The following MRPL9 variants were observed in gnomAD, a reference collection of about 807,000 sequenced individuals.
The protein encoded by MRPL9 is large ribosomal subunit protein bL9m.
MRPL9 carries 25 observed loss-of-function variants against 27.6 expected under a neutral mutation model. The ratio of observed to expected loss-of-function variants is 0.91; its 90% CI spans 0.66 to 1.27. The LOEUF (loss-of-function observed/expected upper bound fraction) is 1.27. Among genes scored for constraint, MRPL9 ranks in the 50% most tolerant of loss-of-function variants. MRPL9 has a pLI of 0.00. For missense variants in MRPL9, 362 were observed against 338.0 expected, an observed-to-expected ratio of 1.07 and a Z score of -0.56; for synonymous variants, 154 against 139.0, an observed-to-expected ratio of 1.11 and a Z score of -0.76.
At position 151,763,468 on chromosome 1, in the gene MRPL9, G is replaced by C; in HGVS notation, c.12C>G (p.Pro4=). Residue 4 remains proline (P), a synonymous_variant, in exon 1 of 7, where the codon CCC becomes CCG. Transcript: ENST00000368830. The stretch of plus-strand genomic sequence containing the variant: ...GAGCTCTGCCCGGGGCCGTGACAAC[G>C]GGCGCCGCCATGTTCACAGGCACAG... The part of the protein sequence containing the change: MAA[P]VVTAPGRALL... 1 of 1,575,052 alleles carries C rather than the reference G, an allele frequency of 6.3e-7. No homozygotes were observed. The highest frequency in any genetic ancestry group is 1.2e-5 in the South Asian group (1 of 86,536).
At chr1:151,762,919 G>C (rs769813857) in intron 2 of MRPL9, 71 bp downstream of exon 2, 5 of 1,537,924 alleles carry the variant, frequency 3.3e-6, no homozygotes, top group South Asian at 1.2e-5. Context: ...AATAGTTGAG[G>C]GGGACGGGCT....
At chr1:151,762,043 G>T (rs1648107843) in intron 4 of MRPL9, 62 bp downstream of exon 4, 1 of 1,515,188 alleles carries the variant, frequency 6.6e-7, no homozygotes, top group South Asian at 1.1e-5. Context: ...GAATCAGGGA[G>T]ACTCTCAGGG....
rs1431052633 is a variant in MRPL9 at position 151,762,164 on chromosome 1, G to GA, written c.436-10dup. 2 of 1,613,798 alleles carry GA rather than the reference G, an allele frequency of 1.2e-6. No individual in the cohort carries two copies. The highest frequency in any genetic ancestry group is 1.7e-6 in the Non-Finnish European group (2 of 1,179,904). On this transcript the variant is annotated splice_polypyrimidine_tract_variant and intron_variant, in intron 3 of 6. Transcript: ENST00000368830. ...TTTCCTTCTTGTCTCAGCTAGAAAA[G>GA]AAAGTTAAAGATGAAAAGCAGTAAA...
At chr1:151,761,208 C>G (rs1648060407) in intron 5 of MRPL9, among the ~76,000 whole-genome samples, 1 of 152,212 alleles carries the variant, frequency 6.6e-6, no homozygotes, top group African/African-American at 2.4e-5. Flanking sequence ...CCCAGCATTT[C>G]CCTAGGTAGA....
In MRPL9 at chr1:151,760,813, C is replaced by G; in HGVS notation, c.672+3G>C. 1 of 1,571,644 alleles carries G rather than the reference C, an allele frequency of 6.4e-7. No individual in the cohort carries two copies. Among genetic ancestry groups the G allele is most frequent in the Non-Finnish European group, 8.6e-7 (1 of 1,166,610 alleles). On this transcript the variant is annotated splice_donor_region_variant and intron_variant, in intron 6 of 6. Coordinates refer to ENST00000368830, the MANE Select transcript of MRPL9 (RefSeq NM_031420.4). ...GAAAAAAGAAAGTATGCAAAACACT[C>G]ACCGTCACCTCACACCAATACTCGC...
In MRPL9 at chr1:151,759,901, T is replaced by C. The variant is rs1647982310; in HGVS notation, c.*149A>G. The C allele has an allele frequency of 2.9e-6, 3 of 1,031,694 alleles. No individual in the cohort carries two copies. Among genetic ancestry groups the C allele is most frequent in the Admixed American group, 6.7e-5 (2 of 29,848 alleles). 63.9% of individuals were successfully genotyped at this position (1,031,694 alleles called of 1,614,324 possible). A position where few individuals can be genotyped will look rare whatever the true frequency, so the allele number is the denominator to read the frequency against. ...AGTTAAAGATGGCAAAAATGAAGAA[T>C]TCAACATGTATACGCAGTGCAGTCT... On this transcript the variant is annotated 3_prime_UTR_variant, in exon 7 of 7. Transcript: ENST00000368830.
At chr1:151,761,140 C>G (rs1648057724) in intron 5 of MRPL9, among the ~76,000 whole-genome samples, 1 of 152,148 alleles carries the variant, frequency 6.6e-6, no homozygotes, top group Admixed American at 6.5e-5. Context: ...AGAAACAGGG[C>G]TTGAGGCCAA....
At chr1:151,762,952 G>A in intron 2 of MRPL9, 38 bp downstream of exon 2, 1 of 1,602,390 alleles carries the variant, frequency 6.2e-7, no homozygotes. Context: ...TGCCAAACCG[G>A]ACCAGCCTGA....
In MRPL9 at chr1:151,763,413, G is replaced by A. The variant is rs1648216183; in HGVS notation, c.67C>T (p.Arg23Trp). 2 of 1,565,500 alleles carry A rather than the reference G, an allele frequency of 1.3e-6. No homozygotes were observed. Among genetic ancestry groups the A allele is most frequent in the Non-Finnish European group, 1.7e-6 (2 of 1,154,702 alleles). The change falls in exon 1 of 7, where the codon CGG (arginine) becomes TGG (tryptophan). Residue 23 changes from arginine (R) to tryptophan (W), a missense_variant. Physicochemically the swap from Arg to Trp is moderately radical, Grantham distance 101. Coordinates refer to ENST00000368830, the MANE Select transcript of MRPL9 (RefSeq NM_031420.4). ...CGCAGTAGCTCCTGGACGCCTCCCCGAAGCAGCCGTCCAGCGCCCGCCCGC... is the reference window on the plus strand; with the variant it reads ...CGCAGTAGCTCCTGGACGCCTCCCCAAAGCAGCCGTCCAGCGCCCGCCCGC... Reference protein sequence around the residue: ...LLRAGAGRLLRGGVQELLRPR... With the variant: ...LLRAGAGRLLWGGVQELLRPR...
chr1:151,759,943 C>T lies in MRPL9; in HGVS notation c.*107G>A, dbSNP rs550778181. The stretch of plus-strand genomic sequence containing the variant: ...GTGCAGTCTGATGTCTTCAGATGTT[C>T]TCTAAAATTCTGTATTTGGTCAGAG... On this transcript the variant is annotated 3_prime_UTR_variant, in exon 7 of 7. Coordinates refer to ENST00000368830, the MANE Select transcript of MRPL9 (RefSeq NM_031420.4). 80 of 1,442,438 alleles carry T rather than the reference C, an allele frequency of 5.5e-5. No individual in the cohort carries two copies. In the South Asian group the frequency reaches 9.3e-4, roughly 17 times the overall value. 89.4% of individuals were successfully genotyped at this position (1,442,438 alleles called of 1,614,324 possible).
chr1:151,761,420 G>T, intron 5 of MRPL9, 31 bp downstream of exon 5: 2 of 1,498,110 alleles, frequency 1.3e-6, no homozygotes, highest in South Asian at 1.1e-5. Flanking sequence ...CCACCTCAGG[G>T]GTAGAGTGGT....
At position 151,760,903 on chromosome 1, in the gene MRPL9, CAA is replaced by C. The variant is rs755031728; in HGVS notation, c.589-6_589-5del. ...GTGGGGCAACCACAACACCAAGCTGCAAAAAAAAAAAAAAAAAAAAAAATCTC... is the reference window on the plus strand; with the variant it reads ...GTGGGGCAACCACAACACCAAGCTGCAAAAAAAAAAAAAAAAAAAAATCTC... On this transcript the variant is annotated splice_polypyrimidine_tract_variant and splice_region_variant and intron_variant, in intron 5 of 6. Coordinates refer to ENST00000368830, the MANE Select transcript of MRPL9 (RefSeq NM_031420.4). The C allele has an allele frequency of 0.043, 39,121 of 919,182 alleles. No homozygotes were observed. The highest frequency in any genetic ancestry group is 0.056 in the South Asian group (2,415 of 43,154). 56.9% of individuals were successfully genotyped at this position (919,182 alleles called of 1,614,324 possible).
At chr1:151,762,068 C>G (rs1648109403) in intron 4 of MRPL9, 37 bp downstream of exon 4, 1 of 1,608,866 alleles carries the variant, frequency 6.2e-7, no homozygotes. Flanking sequence ...GTTGGTAAGT[C>G]TTGTGACAAA....
chr1:151,762,125 G>C lies in MRPL9; in HGVS notation c.466C>G (p.Gln156Glu). ...LRQEGKLEKI[Q>E]TKAGEATVKF... ...CTCACCGCCTCACCTGCCTTGGTCTGGATCTTCTCTAATTTTCCTTCTTGT... is the reference window on the plus strand; with the variant it reads ...CTCACCGCCTCACCTGCCTTGGTCTCGATCTTCTCTAATTTTCCTTCTTGT... The change falls in exon 4 of 7, where the codon CAG becomes GAG. Residue 156 changes from glutamine to glutamate, a missense_variant. Coordinates refer to ENST00000368830, the MANE Select transcript of MRPL9 (RefSeq NM_031420.4). The C allele has an allele frequency of 6.2e-7, 1 of 1,614,156 alleles. No individual in the cohort carries two copies. The highest frequency in any genetic ancestry group is 8.5e-7 in the Non-Finnish European group (1 of 1,180,002).
rs533228135 is a variant in MRPL9 at position 151,761,020 on chromosome 1, T to G, written c.589-121A>C. Reference sequence around the variant, plus strand: ...TTCCCTGCACAGGGATGAATAAAACTGGGGTGTCTACTCTGGCTGATTCCA... The same window carrying G: ...TTCCCTGCACAGGGATGAATAAAACGGGGGTGTCTACTCTGGCTGATTCCA... On this transcript the variant is annotated intron_variant, in intron 5 of 6. Transcript: ENST00000368830. The G allele has an allele frequency of 1.0e-5, 9 of 862,444 alleles. No individual in the cohort carries two copies. The African/African-American group carries it at 1.6e-4, about 15-fold the overall frequency. 53.4% of individuals were successfully genotyped at this position (862,444 alleles called of 1,614,324 possible). A position where few individuals can be genotyped will look rare whatever the true frequency, so the allele number is the denominator to read the frequency against.
chr1:151,763,035 G>A lies in MRPL9; in HGVS notation c.265C>T (p.Arg89Trp), dbSNP rs761777615. 1.7e-5 allele frequency: 27 copies of A among 1,614,064 alleles called. No individual in the cohort carries two copies. The highest frequency in any genetic ancestry group is 3.3e-4 in the Middle Eastern group (2 of 6,084). The change falls in exon 2 of 7, where the codon CGG becomes TGG. Residue 89 changes from arginine (R) to tryptophan (W), a missense_variant. Transcript: ENST00000368830. ...VYKLVEDTKHRPKENLELILT... is the reference protein window; with the variant it reads ...VYKLVEDTKHWPKENLELILT... Reference sequence around the variant, plus strand: ...ATGAGCTCCAGGTTTTCTTTGGGCCGATGCTTCGTGTCCTCCACCAGCTTA... The same window carrying A: ...ATGAGCTCCAGGTTTTCTTTGGGCCAATGCTTCGTGTCCTCCACCAGCTTA...
At chr1:151,760,233 T>G in intron 6 of MRPL9, 52 bp from the exon 7 acceptor site, 2 of 1,607,652 alleles carry the variant, frequency 1.2e-6, no homozygotes, top group Non-Finnish European at 1.7e-6. Context: ...AAGTAAGATT[T>G]AGCACCACCT....
At position 151,760,903 on chromosome 1, in the gene MRPL9, C is replaced by CAAAAAAAAAAAAAAAAAAAAAAAAAAAA. The variant is rs755031728; in HGVS notation, c.589-5_589-4insTTTTTTTTTTTTTTTTTTTTTTTTTTTT. 11 of 953,908 alleles carry CAAAAAAAAAAAAAAAAAAAAAAAAAAAA rather than the reference C, an allele frequency of 1.2e-5. No individual in the cohort carries two copies. The highest frequency in any genetic ancestry group is 5.6e-5 in the African/African-American group (2 of 35,870). 59.1% of individuals were successfully genotyped at this position (953,908 alleles called of 1,614,324 possible). On this transcript the variant is annotated splice_polypyrimidine_tract_variant and splice_region_variant and intron_variant, in intron 5 of 6. Coordinates refer to ENST00000368830, the MANE Select transcript of MRPL9 (RefSeq NM_031420.4). ...GTGGGGCAACCACAACACCAAGCTG[C>CAAAAAAAAAAAAAAAAAAAAAAAAAAAA]AAAAAAAAAAAAAAAAAAAAAAATC... is the stretch of plus-strand genomic sequence containing the variant.
At chr1:151,760,207 C>T in intron 6 of MRPL9, 26 bp from the exon 7 acceptor site, 1 of 1,613,838 alleles carries the variant, frequency 6.2e-7, no homozygotes, top group Non-Finnish European at 8.5e-7. Context: ...TGGGAATTCT[C>T]AGAGATCAGT....
Sources: gnomAD v4.1 joint callset for allele counts (sites outside exome capture counted in the v4.1 genomes callset) on GRCh38, gnomAD v4.1.1 for gene constraint, MANE v1.5 for transcripts, NCBI Gene and HGNC (gene_info 2026-07-23, HGNC 2026-07-21) for gene names.